WNT3: variants seen among roughly 807,000 people sequenced by gnomAD.
The protein encoded by WNT3 is proto-oncogene Wnt-3.
A neutral mutation model predicts 34.2 loss-of-function variants in WNT3; 7 were observed. The ratio of observed to expected loss-of-function variants is 0.20; its 90% CI spans 0.12 to 0.38. The LOEUF (loss-of-function observed/expected upper bound fraction) is 0.38. Among genes scored for constraint, WNT3 ranks in the 10% least tolerant of loss-of-function variants. WNT3 has a pLI of 1.00. For missense variants in WNT3, 267 were observed against 499.8 expected, an observed-to-expected ratio of 0.53 and a Z score of 4.44; for synonymous variants, 212 against 211.5, an observed-to-expected ratio of 1.00 and a Z score of -0.02.
chr17:46,817,331 C>T (rs758462949), intron 1 of WNT3, among the ~76,000 whole-genome samples: 2 of 152,220 alleles, frequency 1.3e-5, no homozygotes, highest in Non-Finnish European at 1.5e-5. Flanking sequence ...GGGCCACAGC[C>T]CACTTCTCAC....
At chr17:46,766,406 C>CAA (rs1241288262) in intron 4 of WNT3, among the ~76,000 whole-genome samples, 3 of 126,918 alleles carry the variant, frequency 2.4e-5, no homozygotes, top group African/African-American at 2.9e-5. Context: ...GACTCAGTCT[C>CAA]AAAAAAAAAA....
At chr17:46,778,324 G>A (rs1326838159) in intron 1 of WNT3, among the ~76,000 whole-genome samples, 1 of 152,166 alleles carries the variant, frequency 6.6e-6, no homozygotes, top group Non-Finnish European at 1.5e-5. Flanking sequence ...AGGGTTCAAG[G>A]TCACTCAAAG....
chr17:46,807,434 A>G (rs1273250021), intron 1 of WNT3, among the ~76,000 whole-genome samples: 1 of 152,236 alleles, frequency 6.6e-6, no homozygotes, highest in East Asian at 1.9e-4. Context: ...GTGAGCCGAG[A>G]TCATGCTACT....
intron 1 of WNT3, among the ~76,000 whole-genome samples, chr17:46,793,307 GGA>G (rs1380592237): frequency 6.7e-6 from 1 of 148,718 alleles, no homozygotes; most frequent in Non-Finnish European, 1.5e-5. Context: ...AAAAATGAGG[GGA>G]GACATTTACC....
chr17:46,768,261 C>T lies in WNT3; in HGVS notation c.*8+51G>A. Reference sequence around the variant, plus strand: ...AGAAGACGAGATGGGCAAACAACCCCATTCCCTGCGCCCAGGCTCCCAGCC... The same window carrying T: ...AGAAGACGAGATGGGCAAACAACCCTATTCCCTGCGCCCAGGCTCCCAGCC... On this transcript the variant is annotated intron_variant, in intron 4 of 4. Coordinates refer to ENST00000225512, the MANE Select transcript of WNT3 (RefSeq NM_030753.5). This position sits in a 1 kb window ranked among gnomAD's most constrained non-coding sequence, Gnocchi z 5.0. 6.2e-7 allele frequency: 1 copy of T among 1,609,924 alleles called. No homozygotes were observed. The highest frequency in any genetic ancestry group is 8.5e-7 in the Non-Finnish European group (1 of 1,179,690).
intron 1 of WNT3, among the ~76,000 whole-genome samples, chr17:46,787,201 C>T (rs530490536): frequency 2.0e-5 from 3 of 150,734 alleles, no homozygotes; most frequent in African/African-American, 7.3e-5. Flanking sequence ...TCAGCCTCCC[C>T]AAGTGCTGGG....
chr17:46,800,969 G>A (rs2084117414), intron 1 of WNT3, among the ~76,000 whole-genome samples: 1 of 152,200 alleles, frequency 6.6e-6, no homozygotes, highest in Non-Finnish European at 1.5e-5. Context: ...GAAGTGAGGT[G>A]TGCACGAGAA....
intron 1 of WNT3, among the ~76,000 whole-genome samples, chr17:46,796,890 C>T (rs916965733): frequency 2.0e-5 from 3 of 152,184 alleles, no homozygotes; most frequent in African/African-American, 7.2e-5. Flanking sequence ...AACTAGTTTA[C>T]ACGGGATGAT....
At position 46,763,828 on chromosome 17, in the gene WNT3, CACCAAAAAAAA is replaced by C. The variant is rs2059289198; in HGVS notation, c.*791_*801del. On this transcript the variant is annotated 3_prime_UTR_variant, in exon 5 of 5. Coordinates refer to ENST00000225512, the MANE Select transcript of WNT3 (RefSeq NM_030753.5). ...ATAGCCTATTTACAAGGTCCACTAC[CACCAAAAAAAA>C]AAAAAAACAAAAAAACAAAAAAAAA... 2.8e-5 allele frequency: 1 copy of C among 35,426 alleles called. No individual in the cohort carries two copies. The highest frequency in any genetic ancestry group is 9.7e-5 in the African/African-American group (1 of 10,268). 2.2% of individuals were successfully genotyped at this position (35,426 alleles called of 1,614,324 possible).
At chr17:46,801,246 G>A (rs1003755414) in intron 1 of WNT3, among the ~76,000 whole-genome samples, 12 of 152,194 alleles carry the variant, frequency 7.9e-5, no homozygotes, top group African/African-American at 2.9e-4. Flanking sequence ...GCGGGTGCAG[G>A]GCGGCAGGGG....
intron 1 of WNT3, among the ~76,000 whole-genome samples, chr17:46,785,895 T>G (rs1441350960): frequency 6.6e-6 from 1 of 152,198 alleles, no homozygotes; most frequent in Non-Finnish European, 1.5e-5. Flanking sequence ...GCTGGAATGT[T>G]GCAGCTTCTG....
intron 1 of WNT3, among the ~76,000 whole-genome samples, chr17:46,780,128 C>T (rs1292229780): frequency 6.6e-6 from 1 of 152,224 alleles, no homozygotes; most frequent in Non-Finnish European, 1.5e-5. Flanking sequence ...TTGACTTACG[C>T]ACCTAACATA....
chr17:46,789,893 ACT>A (rs1180845297), intron 1 of WNT3, among the ~76,000 whole-genome samples: 1 of 151,930 alleles, frequency 6.6e-6, no homozygotes, highest in Non-Finnish European at 1.5e-5. Context: ...CAACGATTCC[ACT>A]CTCTACCTTT....
intron 3 of WNT3, among the ~76,000 whole-genome samples, chr17:46,769,531 G>C (rs1281254584): frequency 6.6e-6 from 1 of 152,124 alleles, no homozygotes; most frequent in African/African-American, 2.4e-5. Context: ...GGTGGCACCT[G>C]ATCCCACGGG....
At chr17:46,797,255 C>T (rs1450245423) in intron 1 of WNT3, among the ~76,000 whole-genome samples, 6 of 152,144 alleles carry the variant, frequency 3.9e-5, no homozygotes, top group African/African-American at 7.2e-5. Flanking sequence ...ACACACTATG[C>T]GATGTCCTAC....
rs966663704 is a variant in WNT3, at chr17:46,818,627, C to A, written c.-30G>T. ...AGAGGCGCCGAGGAGGAAGTTTGCCCGCGACCATGAAGAGGGGGAGCGACG... is the reference window on the plus strand; with the variant it reads ...AGAGGCGCCGAGGAGGAAGTTTGCCAGCGACCATGAAGAGGGGGAGCGACG... On this transcript the variant is annotated 5_prime_UTR_variant, in exon 1 of 5. Coordinates refer to ENST00000225512, the MANE Select transcript of WNT3 (RefSeq NM_030753.5). 1 of 1,570,350 alleles carries A rather than the reference C, an allele frequency of 6.4e-7. No individual in the cohort carries two copies. Among genetic ancestry groups the A allele is most frequent in the South Asian group, 1.2e-5 (1 of 85,794 alleles).
At chr17:46,795,804 C>T (rs1303549416) in intron 1 of WNT3, among the ~76,000 whole-genome samples, 3 of 152,170 alleles carry the variant, frequency 2.0e-5, no homozygotes, top group African/African-American at 7.2e-5. Flanking sequence ...CCCCAGGCTT[C>T]TCAGATAACT....
At chr17:46,809,340 C>CGAGATTGGTTT (rs1243053852) in intron 1 of WNT3, among the ~76,000 whole-genome samples, 2 of 152,154 alleles carry the variant, frequency 1.3e-5, no homozygotes, top group Non-Finnish European at 2.9e-5. Context: ...ATGGGCCCTG[C>CGAGATTGGTTT]GAGATTGGTT....
intron 1 of WNT3, among the ~76,000 whole-genome samples, chr17:46,795,048 G>A (rs1568088871): frequency 6.6e-6 from 1 of 151,948 alleles, no homozygotes; most frequent in East Asian, 1.9e-4. Flanking sequence ...ACCATGCCAG[G>A]CCCTTCCCAG....
Sources: gnomAD v4.1 joint callset for allele counts (sites outside exome capture counted in the v4.1 genomes callset) on GRCh38, gnomAD v4.1.1 for gene constraint, Gnocchi (gnomAD v3.1) non-coding constraint, MANE v1.5 for transcripts, NCBI Gene and HGNC (gene_info 2026-07-23, HGNC 2026-07-21) for gene names.